LASP1: variants seen among roughly 807,000 people sequenced by gnomAD.
LASP1 encodes LIM and SH3 protein 1, also known as LIM and SH3 domain protein 1.
A neutral mutation model predicts 38.6 loss-of-function variants in LASP1; 10 were observed. That is an observed-to-expected ratio of 0.26 (90% CI 0.16 to 0.44). LASP1 has a LOEUF of 0.44. LASP1 is among the 20% of genes least tolerant of loss of function. The pLI, the probability that LASP1 is intolerant of heterozygous loss-of-function variation, is 1.00. For missense variants in LASP1, 243 were observed against 375.7 expected (o/e 0.65, Z 2.92); for synonymous variants, 132 against 140.8 (o/e 0.94, Z 0.44).
intron 6 of LASP1, chr17:38,916,695 C>CTA (rs1286021201): frequency 6.6e-6 from 1 of 151,418 alleles, no homozygotes; most frequent in Non-Finnish European, 1.5e-5. Context: ...AACCCTGTCT[C>CTA]TACTAAAAAT....
intron 4 of LASP1, chr17:38,898,763 C>A: frequency 1.7e-6 from 1 of 577,498 alleles, no homozygotes; most frequent in Non-Finnish European, 3.3e-6. Context: ...GGCCTGTGTG[C>A]TAAATCAGCC....
At chr17:38,878,016 T>A (rs1427664239) in intron 1 of LASP1, 70 bp from the exon 2 acceptor site, 2 of 1,198,022 alleles carry the variant, frequency 1.7e-6, no homozygotes, top group East Asian at 4.7e-5. Flanking sequence ...TGAGTGCCCC[T>A]TCCTAGGGCC....
chr17:38,891,669 C>T (rs1446922121), intron 3 of LASP1, among the ~76,000 whole-genome samples: 1 of 152,200 alleles, frequency 6.6e-6, no homozygotes, highest in Non-Finnish European at 1.5e-5. Flanking sequence ...AGCATCACTT[C>T]ACTTCAGAGA....
In LASP1 at chr17:38,912,208, C is replaced by T. The variant is rs995799897; in HGVS notation, c.358-2117C>T. ...GGGAATAGGGACCTTGACTTTTCCC[C>T]TGTCCCATATGGGCCCAGGGGCCGG... On this transcript the variant is annotated intron_variant, in intron 4 of 6. Transcript: ENST00000318008. Among the ~76,000 whole-genome samples the T allele has an allele frequency of 5.9e-5, 9 of 152,374 alleles. No homozygotes were observed. In the East Asian group the frequency reaches 1.4e-3, roughly 23 times the overall value.
chr17:38,870,348 A>G lies in LASP1; in HGVS notation c.69+90A>G, dbSNP rs529415576. On this transcript the variant is annotated intron_variant, in intron 1 of 6. Transcript: ENST00000318008. The stretch of plus-strand genomic sequence containing the variant: ...AGAAGGGCCGGGTCTTTGCCGCCTT[A>G]TCCCCGCGATCCCAGGAGAATGGAG... 6.5e-6 allele frequency: 9 copies of G among 1,392,662 alleles called. No individual in the cohort carries two copies. The African/African-American group carries it at 1.3e-4, about 20-fold the overall frequency. The allele number at this position is 1,392,662 out of a possible 1,614,324, so 86.3% of individuals were successfully genotyped here.
At chr17:38,890,564 A>AG in intron 3 of LASP1, 60 bp downstream of exon 3, 1 of 1,506,096 alleles carries the variant, frequency 6.6e-7, no homozygotes, top group Non-Finnish European at 9.2e-7. Context: ...GGAAGTTGTA[A>AG]GGTCGGCATT....
intron 4 of LASP1, chr17:38,904,598 T>TAA (rs58725693): frequency 1.9e-3 from 243 of 129,664 alleles, no homozygotes; most frequent in African/African-American, 6.3e-3. Flanking sequence ...GTCTCAAAAA[T>TAA]AAAAAAAAAA....
intron 3 of LASP1, among the ~76,000 whole-genome samples, chr17:38,894,006 T>C (rs1243414993): frequency 6.6e-6 from 1 of 152,202 alleles, no homozygotes; most frequent in Non-Finnish European, 1.5e-5. Context: ...ATCTCTATAT[T>C]GGTCTCCAAA....
At chr17:38,901,309 TC>T (rs1186317536) in intron 4 of LASP1, among the ~76,000 whole-genome samples, 1 of 152,208 alleles carries the variant, frequency 6.6e-6, no homozygotes, top group Non-Finnish European at 1.5e-5. Context: ...GGCCAAGCCA[TC>T]CGCATCTCAG....
At chr17:38,896,218 G>T (rs1399210671) in intron 3 of LASP1, among the ~76,000 whole-genome samples, 2 of 150,348 alleles carry the variant, frequency 1.3e-5, no homozygotes, top group Non-Finnish European at 2.9e-5. Flanking sequence ...CTTTCAAAGA[G>T]CCTCCCTGTC....
In LASP1 at chr17:38,895,029, C is replaced by T. The variant is rs78674662; in HGVS notation, c.250-3383C>T. 9.2e-5 allele frequency among the ~76,000 whole-genome samples: 14 copies of T among 151,832 alleles called. No individual in the cohort carries two copies. In the East Asian group the frequency reaches 2.1e-3, roughly 23 times the overall value. ...CTGGGATTACAGGTGTCAGCCACCG[C>T]GCCCTGCCTAAATTTTAAAAACTAG... On this transcript the variant is annotated intron_variant, in intron 3 of 6. Transcript: ENST00000318008.
rs1016148659 is a variant in LASP1, at chr17:38,896,957, A to T, written c.250-1455A>T. 76 of 985,296 alleles carry T rather than the reference A, an allele frequency of 7.7e-5. No homozygotes were observed. The African/African-American group carries it at 1.3e-3, about 16-fold the overall frequency. 61.0% of individuals were successfully genotyped at this position (985,296 alleles called of 1,614,324 possible). On this transcript the variant is annotated intron_variant, in intron 3 of 6. Transcript: ENST00000318008. ...GCAGGGCTTCTGTATCTGGAGCTAC[A>T]TTTCTCTGCCTCTGAGTGCCCTACC...
intron 1 of LASP1, among the ~76,000 whole-genome samples, chr17:38,877,014 C>G (rs1258338070): frequency 6.6e-6 from 1 of 152,226 alleles, no homozygotes; most frequent in East Asian, 1.9e-4. Context: ...GTCCCACATT[C>G]TCACACGCAT....
At chr17:38,892,588 ACACC>A (rs1555554611) in intron 3 of LASP1, among the ~76,000 whole-genome samples, 1 of 147,166 alleles carries the variant, frequency 6.8e-6, no homozygotes, top group East Asian at 2.0e-4. Context: ...ACACACACAC[ACACC>A]CTTCTCAGGG....
intron 2 of LASP1, among the ~76,000 whole-genome samples, chr17:38,888,473 T>C (rs1182800650): frequency 1.3e-5 from 2 of 152,190 alleles, no homozygotes; most frequent in African/African-American, 4.8e-5. Flanking sequence ...AAACAGGATT[T>C]CGCCATGTTA....
intron 3 of LASP1, among the ~76,000 whole-genome samples, chr17:38,891,530 C>T (rs755258882): frequency 2.0e-5 from 3 of 152,120 alleles, no homozygotes; most frequent in South Asian, 4.1e-4. Flanking sequence ...TGAGGCCCAG[C>T]GACTTTGAGG....
At chr17:38,894,863 G>A (rs79120516) in intron 3 of LASP1, among the ~76,000 whole-genome samples, 2,968 of 152,038 alleles carry the variant, frequency 0.02, 91 homozygotes, top group African/African-American at 0.068. Context: ...TCCACCTCCT[G>A]AATAGCTGGG....
At chr17:38,898,354 A>G (rs1914546665) in intron 3 of LASP1, 58 bp from the exon 4 acceptor site, 1 of 1,330,266 alleles carries the variant, frequency 7.5e-7, no homozygotes, top group South Asian at 1.4e-5. Flanking sequence ...AGGGGCCCCA[A>G]GCCGAGGCCC....
chr17:38,915,938 C>G (rs1410392702), intron 6 of LASP1: 1 of 152,196 alleles, frequency 6.6e-6, no homozygotes, highest in African/African-American at 2.4e-5. Flanking sequence ...ATAAAATCGC[C>G]TGAGATAATG....
Sources: allele counts gnomAD v4.1 joint callset (sites outside exome capture counted in the v4.1 genomes callset), GRCh38; gene constraint gnomAD v4.1.1; transcripts MANE v1.5; gene names NCBI Gene and HGNC (gene_info 2026-07-23, HGNC 2026-07-21).